The following UNC5D variants were observed in gnomAD, a reference collection of about 807,000 sequenced individuals.
UNC5D encodes the protein unc-5 netrin receptor D.
A neutral mutation model predicts 105.4 loss-of-function variants in UNC5D; 39 were observed. That is an observed-to-expected ratio of 0.37 (90% CI 0.29 to 0.48). UNC5D has a LOEUF of 0.48. Ranked by LOEUF, UNC5D falls within the 20% of genes least tolerant of loss-of-function variation. The pLI, the probability that UNC5D is intolerant of heterozygous loss-of-function variation, is 0.98. For synonymous variants in UNC5D, 452 were observed against 450.4 expected, an observed-to-expected ratio of 1.00 and a Z score of -0.04; for missense variants, 991 against 1,202.4, an observed-to-expected ratio of 0.82 and a Z score of 2.60.
intron 1 of UNC5D, among the ~76,000 whole-genome samples, chr8:35,437,626 A>G (rs1359221183): frequency 6.6e-6 from 1 of 152,044 alleles, no homozygotes; most frequent in Non-Finnish European, 1.5e-5. Context: ...TCCATCCTCC[A>G]ACACCCACCC....
At chr8:35,739,593 T>C (rs533674123) in intron 11 of UNC5D, among the ~76,000 whole-genome samples, 15 of 152,326 alleles carry the variant, frequency 9.8e-5, no homozygotes, top group Non-Finnish European at 2.1e-4. Context: ...CAATGGTTTG[T>C]GAATGTTATT....
intron 1 of UNC5D, among the ~76,000 whole-genome samples, chr8:35,367,631 T>C (rs555907621): frequency 6.6e-6 from 1 of 151,170 alleles, no homozygotes; most frequent in Non-Finnish European, 1.5e-5. Flanking sequence ...AATGGTATAA[T>C]ATGGCAAATA....
At chr8:35,701,086 C>T (rs533606037) in intron 7 of UNC5D, among the ~76,000 whole-genome samples, 9 of 152,198 alleles carry the variant, frequency 5.9e-5, no homozygotes, top group East Asian at 3.9e-4. Flanking sequence ...GGTAAAAATA[C>T]GGGATATGAC....
chr8:35,358,693 T>C (rs978600157), intron 1 of UNC5D, among the ~76,000 whole-genome samples: 2 of 152,192 alleles, frequency 1.3e-5, no homozygotes, highest in Non-Finnish European at 2.9e-5. Context: ...ATTTAAATCA[T>C]AGTCCAATAT....
chr8:35,268,710 G>A (rs1393193920), intron 1 of UNC5D, among the ~76,000 whole-genome samples: 1 of 151,762 alleles, frequency 6.6e-6, no homozygotes, highest in East Asian at 1.9e-4. Flanking sequence ...TAGACTCTGG[G>A]CACTGTTCTA....
intron 1 of UNC5D, among the ~76,000 whole-genome samples, chr8:35,338,289 G>GT (rs977038049): frequency 1.8e-4 from 28 of 151,826 alleles, no homozygotes; most frequent in African/African-American, 6.3e-4. Flanking sequence ...ATTCTTCAGG[G>GT]TTTTTTTTCT....
chr8:35,399,076 C>T (rs1804283645), intron 1 of UNC5D, among the ~76,000 whole-genome samples: 1 of 142,178 alleles, frequency 7.0e-6, no homozygotes, highest in Admixed American at 7.6e-5. Flanking sequence ...ACCTGGGAGT[C>T]AGAGGTTGCA....
At chr8:35,559,272 A>G (rs990937419) in intron 2 of UNC5D, among the ~76,000 whole-genome samples, 2 of 152,188 alleles carry the variant, frequency 1.3e-5, no homozygotes, top group Non-Finnish European at 2.9e-5. Flanking sequence ...TTAGCTGGTC[A>G]TTTACTGCTT....
intron 4 of UNC5D, among the ~76,000 whole-genome samples, chr8:35,657,045 A>AGTGTGTGTGTGT (rs3076999): frequency 2.8e-5 from 2 of 70,924 alleles, no homozygotes; most frequent in African/African-American, 1.3e-4. Flanking sequence ...AGTGCAGTGG[A>AGTGTGTGTGTGT]GTGTGTGTGT....
chr8:35,531,002 T>A (rs909452051), intron 1 of UNC5D, among the ~76,000 whole-genome samples: 2 of 151,108 alleles, frequency 1.3e-5, no homozygotes, highest in African/African-American at 4.9e-5. Context: ...AACCAGCTCC[T>A]GGATTCATTG....
chr8:35,353,842 G>C (rs1812417053), intron 1 of UNC5D, among the ~76,000 whole-genome samples: 1 of 152,086 alleles, frequency 6.6e-6, no homozygotes. Flanking sequence ...TTTATAAAAT[G>C]AGCATATAAT....
intron 8 of UNC5D, chr8:35,721,327 C>A: frequency 5.9e-6 from 4 of 676,554 alleles, no homozygotes; most frequent in Non-Finnish European, 8.1e-6. Context: ...ACAGGAATAA[C>A]CACATCCAAC....
chr8:35,703,828 A>G (rs1272053199), intron 7 of UNC5D, among the ~76,000 whole-genome samples: 12 of 152,220 alleles, frequency 7.9e-5, no homozygotes. Flanking sequence ...TCACTTTCAG[A>G]CATCTCAGCC....
intron 1 of UNC5D, among the ~76,000 whole-genome samples, chr8:35,453,934 C>G (rs998914531): frequency 2.4e-4 from 36 of 152,232 alleles, no homozygotes; most frequent in African/African-American, 8.2e-4. Context: ...TCCCCTACCC[C>G]CTGCTATTTC....
intron 4 of UNC5D, among the ~76,000 whole-genome samples, chr8:35,611,826 C>G (rs1820704970): frequency 6.6e-6 from 1 of 152,136 alleles, no homozygotes; most frequent in Non-Finnish European, 1.5e-5. Context: ...TTTTTATACT[C>G]CCTAATTAAT....
rs553647804 is a variant in UNC5D at position 35,459,831 on chromosome 8, T to C, written c.104-89461T>C. 2.0e-5 allele frequency among the ~76,000 whole-genome samples: 3 copies of C among 152,330 alleles called. No individual in the cohort carries two copies. The East Asian group carries it at 5.8e-4, about 29-fold the overall frequency. Reference sequence around the variant, plus strand: ...TTGATTTCTAACATATTGTCGCATATATTTTTAGCTTGATTTTATGCCATT... The same window carrying C: ...TTGATTTCTAACATATTGTCGCATACATTTTTAGCTTGATTTTATGCCATT... On this transcript the variant is annotated intron_variant, in intron 1 of 16. Transcript: ENST00000404895.
At chr8:35,539,174 A>C (rs1213216963) in intron 1 of UNC5D, among the ~76,000 whole-genome samples, 2 of 152,182 alleles carry the variant, frequency 1.3e-5, no homozygotes, top group Non-Finnish European at 2.9e-5. Flanking sequence ...CCAAAATATT[A>C]AGTATACATC....
intron 1 of UNC5D, among the ~76,000 whole-genome samples, chr8:35,295,258 A>T (rs1020037048): frequency 1.3e-5 from 2 of 152,142 alleles, no homozygotes; most frequent in African/African-American, 4.8e-5. Context: ...TTTACAATAG[A>T]TTTTATGGTA....
At chr8:35,632,775 G>A (rs750097640) in intron 4 of UNC5D, among the ~76,000 whole-genome samples, 4 of 152,142 alleles carry the variant, frequency 2.6e-5, no homozygotes, top group Non-Finnish European at 5.9e-5. Context: ...AGGCCAGAGG[G>A]GCTCAGGCAA....
Sources: gnomAD v4.1 joint callset for allele counts (sites outside exome capture counted in the v4.1 genomes callset) on GRCh38, gnomAD v4.1.1 for gene constraint, MANE v1.5 for transcripts, NCBI Gene and HGNC (gene_info 2026-07-23, HGNC 2026-07-21) for gene names.